Variants in MCFD2 observed in about 807,000 individuals in gnomAD.
MCFD2 encodes multiple coagulation factor deficiency 2, ER cargo receptor complex subunit.
A neutral mutation model predicts 12.8 loss-of-function variants in MCFD2; 11 were observed. The ratio of observed to expected loss-of-function variants is 0.86; its 90% CI spans 0.54 to 1.42. MCFD2 has a LOEUF of 1.42. MCFD2 is among the 40% of genes most tolerant of loss of function. MCFD2 has a pLI of 0.00. For synonymous variants in MCFD2, 70 were observed against 68.1 expected, an observed-to-expected ratio of 1.03 and a Z score of -0.14; for missense variants, 191 against 178.6, an observed-to-expected ratio of 1.07 and a Z score of -0.40.
Position 46,907,782 on chromosome 2 carries a change from C to G in MCFD2, c.309+28G>C. On this transcript the variant is annotated intron_variant, in intron 3 of 3. Coordinates refer to ENST00000319466, the MANE Select transcript of MCFD2 (RefSeq NM_139279.6). This position sits in a 1 kb window ranked among gnomAD's most constrained non-coding sequence, Gnocchi z 4.1. ...AACAAAGGGAAGCCTTTCTGTGATA[C>G]AGTCCCCCAAGCCACTGCCAGACCT... 1 of 1,612,020 alleles carries G rather than the reference C, an allele frequency of 6.2e-7. No individual in the cohort carries two copies. The highest frequency in any genetic ancestry group is 1.7e-5 in the Admixed American group (1 of 60,012).
At chr2:46,919,030 C>A (rs371686074), upstream of MCFD2, among the ~76,000 whole-genome samples, 1 of 152,248 alleles carries the variant, frequency 6.6e-6, no homozygotes, top group East Asian at 1.9e-4. Context: ...TCCCAAGATA[C>A]CAGAATGGCC....
intron 1 of MCFD2, among the ~76,000 whole-genome samples, chr2:46,934,591 T>G (rs1669871069): frequency 6.6e-6 from 1 of 151,942 alleles, no homozygotes; most frequent in Non-Finnish European, 1.5e-5. Flanking sequence ...TTTCAATAGA[T>G]AGACTCAAAC....
At chr2:46,928,716 G>A (rs573006933) in intron 1 of MCFD2, among the ~76,000 whole-genome samples, 10 of 152,088 alleles carry the variant, frequency 6.6e-5, no homozygotes, top group African/African-American at 2.2e-4. Context: ...GCTGCAGTGA[G>A]CTGTGATTGC....
intron 1 of MCFD2, among the ~76,000 whole-genome samples, chr2:46,926,802 C>T (rs745828333): frequency 3.3e-5 from 5 of 152,186 alleles, no homozygotes; most frequent in Non-Finnish European, 5.9e-5. Context: ...AACGGACCTC[C>T]ACAGCTTGAG....
chr2:46,923,631 C>T (rs965270230), intron 1 of MCFD2, among the ~76,000 whole-genome samples: 8 of 152,182 alleles, frequency 5.3e-5, no homozygotes, highest in African/African-American at 1.2e-4. Flanking sequence ...ATGGTTCATG[C>T]CTGTAATCCT....
chr2:46,922,026 C>T (rs764671732), intron 1 of MCFD2, among the ~76,000 whole-genome samples: 14 of 152,130 alleles, frequency 9.2e-5, no homozygotes, highest in Non-Finnish European at 1.3e-4. Context: ...ATACTGGGAA[C>T]GATAAGTTTT....
chr2:46,934,893 C>G (rs371958523), intron 1 of MCFD2, among the ~76,000 whole-genome samples: 1 of 140,942 alleles, frequency 7.1e-6, no homozygotes, highest in Admixed American at 8.0e-5. Flanking sequence ...CTCCGCCTCC[C>G]GGGTTCAAGC....
chr2:46,924,378 C>G (rs1669278808), intron 1 of MCFD2, among the ~76,000 whole-genome samples: 1 of 152,052 alleles, frequency 6.6e-6, no homozygotes. Flanking sequence ...GAGAATTTTC[C>G]CTACTTTATT....
upstream of MCFD2, among the ~76,000 whole-genome samples, chr2:46,918,622 C>T (rs1572629760): frequency 6.6e-6 from 1 of 152,154 alleles, no homozygotes; most frequent in East Asian, 1.9e-4. Context: ...TTAAGGTAGC[C>T]AGTGTTAAAA....
In MCFD2 at chr2:46,940,383, G is replaced by A. The variant is rs1212078130; in HGVS notation, c.-8+1189C>T. 6.6e-6 allele frequency among the ~76,000 whole-genome samples: 1 copy of A among 152,096 alleles called. No homozygotes were observed. The highest frequency in any genetic ancestry group is 1.5e-5 in the Non-Finnish European group (1 of 68,034). ...TGTGGCTTCTCCAGCACTGGTCTGT[G>A]AGCTGCGGCGGCAGCGGGGCCGGGC... On this transcript the variant is annotated intron_variant, in intron 1 of 2. Transcript: ENST00000409147. This position sits in a 1 kb window ranked among gnomAD's most constrained non-coding sequence, Gnocchi z 4.7.
At chr2:46,930,885 T>C (rs1348543426) in intron 1 of MCFD2, among the ~76,000 whole-genome samples, 1 of 152,206 alleles carries the variant, frequency 6.6e-6, no homozygotes, top group East Asian at 1.9e-4. Context: ...ATGCTTTATA[T>C]GAACTCTTTG....
intron 1 of MCFD2, among the ~76,000 whole-genome samples, chr2:46,934,199 A>G (rs1049657826): frequency 3.9e-5 from 6 of 152,224 alleles, no homozygotes; most frequent in African/African-American, 1.2e-4. Context: ...GGATGATAAA[A>G]GTTGTAAATA....
upstream of MCFD2, among the ~76,000 whole-genome samples, chr2:46,919,987 C>T (rs1180571438): frequency 6.6e-6 from 1 of 152,122 alleles, no homozygotes; most frequent in Non-Finnish European, 1.5e-5. Context: ...GTGTTAAAAG[C>T]TTGGAATTTT....
At chr2:46,934,691 A>G (rs1340311365) in intron 1 of MCFD2, among the ~76,000 whole-genome samples, 1 of 151,950 alleles carries the variant, frequency 6.6e-6, no homozygotes, top group East Asian at 1.9e-4. Context: ...TCTCAAAAAC[A>G]AAAACAAACA....
At position 46,907,775 on chromosome 2, in the gene MCFD2, T is replaced by A. The variant is rs779576612; in HGVS notation, c.309+35A>T. 7 of 1,610,534 alleles carry A rather than the reference T, an allele frequency of 4.3e-6. No homozygotes were observed. In the South Asian group the frequency reaches 7.7e-5, roughly 18 times the overall value. On this transcript the variant is annotated intron_variant, in intron 3 of 3. Coordinates refer to ENST00000319466, the MANE Select transcript of MCFD2 (RefSeq NM_139279.6). This position sits in a 1 kb window ranked among gnomAD's most constrained non-coding sequence, Gnocchi z 4.1. ...CCAAATTAACAAAGGGAAGCCTTTC[T>A]GTGATACAGTCCCCCAAGCCACTGC...
chr2:46,927,536 G>A (rs1669454150), intron 1 of MCFD2, among the ~76,000 whole-genome samples: 1 of 151,450 alleles, frequency 6.6e-6, no homozygotes, highest in Non-Finnish European at 1.5e-5. Context: ...TTGTTTTTGT[G>A]TTTTTAGTGG....
intron 1 of MCFD2, among the ~76,000 whole-genome samples, chr2:46,931,692 T>TAAATAAATA (rs370894593): frequency 5.7e-4 from 85 of 148,644 alleles, no homozygotes; most frequent in African/African-American, 1.2e-3. Flanking sequence ...AAACAGACAA[T>TAAATAAATA]AATAAATAAA....
chr2:46,906,019 G>A, intron 3 of MCFD2: 1 of 471,390 alleles, frequency 2.1e-6, no homozygotes, highest in Non-Finnish European at 4.4e-6. Flanking sequence ...TGGACAACAA[G>A]TTGGCATCAA....
intron 1 of MCFD2, chr2:46,912,801 G>A: frequency 6.6e-6 from 1 of 152,272 alleles, no homozygotes; most frequent in South Asian, 2.1e-4. Flanking sequence ...ATCAGGCACA[G>A]TGCCTGGAAC....
Sources: gnomAD v4.1 joint callset for allele counts (sites outside exome capture counted in the v4.1 genomes callset) on GRCh38, gnomAD v4.1.1 for gene constraint, Gnocchi (gnomAD v3.1) non-coding constraint, MANE v1.5 for transcripts, NCBI Gene and HGNC (gene_info 2026-07-23, HGNC 2026-07-21) for gene names.